The following ANKRD30B variants were observed in gnomAD, a reference collection of about 807,000 sequenced individuals.
ANKRD30B encodes the protein ankyrin repeat domain 30B.
ANKRD30B carries 144 observed loss-of-function variants against 202.2 expected under a neutral mutation model. The ratio of observed to expected loss-of-function variants is 0.71; its 90% CI spans 0.62 to 0.82. The LOEUF is 0.82. Ranked by LOEUF, ANKRD30B falls within the 40% of genes least tolerant of loss-of-function variation. The pLI is 0.00. For synonymous variants in ANKRD30B, 508 were observed against 561.3 expected (o/e 0.91, Z 1.34); for missense variants, 1,487 against 1,669.1 (o/e 0.89, Z 1.90).
chr18:14,872,326 C>A, the ANKRD30B span, among the ~76,000 whole-genome samples: 18 of 152,254 alleles, frequency 1.2e-4, no homozygotes, highest in Middle Eastern at 0.01. Flanking sequence ...CTTTTCTTTG[C>A]CCCTAAACTG....
chr18:14,828,115 G>A (rs1970739164), intron 32 of ANKRD30B, among the ~76,000 whole-genome samples, 163 bp from the exon 33 acceptor site: 1 of 152,104 alleles, frequency 6.6e-6, no homozygotes, highest in African/African-American at 2.4e-5. Context: ...ATGTCTCCCA[G>A]GCTGCTTTCA....
chr18:14,795,702 T>C (rs1273976281), intron 16 of ANKRD30B, among the ~76,000 whole-genome samples: 1 of 152,196 alleles, frequency 6.6e-6, no homozygotes, highest in Non-Finnish European at 1.5e-5. Context: ...GATAAGTAAA[T>C]TGTACCTTTG....
At chr18:14,863,565 A>T in the ANKRD30B span, among the ~76,000 whole-genome samples, 11 of 150,148 alleles carry the variant, frequency 7.3e-5, no homozygotes, top group Non-Finnish European at 7.4e-5. Context: ...CTATAAATTT[A>T]AAAAAAATCT....
intron 39 of ANKRD30B, among the ~76,000 whole-genome samples, chr18:14,844,214 T>C (rs1308521884): frequency 6.6e-6 from 1 of 152,240 alleles, no homozygotes; most frequent in Non-Finnish European, 1.5e-5. Flanking sequence ...AAAACAAATA[T>C]ATGAAAATAA....
At chr18:14,859,014 C>A (rs1440061226), downstream of ANKRD30B, among the ~76,000 whole-genome samples, 58 of 100,514 alleles carry the variant, frequency 5.8e-4, no homozygotes, top group East Asian at 0.011. Flanking sequence ...GCGCTCCTCA[C>A]CTCCCAGACT....
chr18:14,783,830 G>T (rs1194504121), intron 12 of ANKRD30B, among the ~76,000 whole-genome samples: 2 of 151,940 alleles, frequency 1.3e-5, no homozygotes, highest in Non-Finnish European at 2.9e-5. Flanking sequence ...ATATGGTTAT[G>T]GAAAACAGTG....
chr18:14,854,588 A>G lies in ANKRD30B; in HGVS notation c.*430A>G, dbSNP rs1471028779. Reference sequence around the variant, plus strand: ...TGTCATACATAGTTTTCAGTAAAATACTGGACAATAGAGTTTATAGTCTCC... The same window carrying G: ...TGTCATACATAGTTTTCAGTAAAATGCTGGACAATAGAGTTTATAGTCTCC... On this transcript the variant is annotated 3_prime_UTR_variant, in exon 44 of 44. Coordinates refer to ENST00000690538, the MANE Select transcript of ANKRD30B (RefSeq NM_001367607.2). Among the ~76,000 whole-genome samples, 3 of 152,228 alleles carry G rather than the reference A, an allele frequency of 2.0e-5. No homozygotes were observed. The highest frequency in any genetic ancestry group is 2.0e-4 in the Admixed American group (3 of 15,286).
chr18:14,815,810 T>C (rs939217868), intron 30 of ANKRD30B, among the ~76,000 whole-genome samples: 1 of 152,222 alleles, frequency 6.6e-6, no homozygotes, highest in African/African-American at 2.4e-5. Context: ...TTATATTTGC[T>C]ATTCCTGATG....
chr18:14,856,356 G>A (rs761455286), downstream of ANKRD30B, among the ~76,000 whole-genome samples: 140 of 132,376 alleles, frequency 1.1e-3, no homozygotes, highest in African/African-American at 3.5e-3. Context: ...GGGCAGCCGG[G>A]CAGAGGCGCT....
chr18:14,798,593 C>T lies in ANKRD30B; in HGVS notation c.2030-508C>T, dbSNP rs116297394. On this transcript the variant is annotated intron_variant, in intron 20 of 43. Transcript: ENST00000690538. The stretch of plus-strand genomic sequence containing the variant: ...TTAACCCTAAAGAGGCTAGAAGAGC[C>T]GTGGCAAGATGAGGGCGTTCATAGC... 6.7e-3 allele frequency among the ~76,000 whole-genome samples: 1,021 copies of T among 152,142 alleles called. 21 individuals carry two copies. Among genetic ancestry groups the T allele is most frequent in the African/African-American group, 0.024 (979 of 41,502 alleles).
At chr18:14,853,572 A>T (rs1208038188) in intron 42 of ANKRD30B, among the ~76,000 whole-genome samples, 3 of 150,972 alleles carry the variant, frequency 2.0e-5, no homozygotes, top group East Asian at 1.9e-4. Flanking sequence ...AGTTGTGAAG[A>T]ATTACAGATT....
At chr18:14,925,464 G>C in the ANKRD30B span, among the ~76,000 whole-genome samples, 2 of 152,216 alleles carry the variant, frequency 1.3e-5, no homozygotes, top group Non-Finnish European at 2.9e-5. Context: ...GCCTGCCAGA[G>C]AATGTCCATG....
the ANKRD30B span, among the ~76,000 whole-genome samples, chr18:14,869,199 A>G: frequency 1.8e-3 from 277 of 152,294 alleles, 2 homozygotes; most frequent in Non-Finnish European, 2.7e-3. Context: ...GAGGGTTGAA[A>G]ACACTAGGAT....
the ANKRD30B span, among the ~76,000 whole-genome samples, chr18:14,887,225 C>T: frequency 1.1e-4 from 17 of 152,008 alleles, no homozygotes; most frequent in Non-Finnish European, 2.1e-4. Flanking sequence ...GTAGGCTGAC[C>T]TCAAGCCTTC....
chr18:14,781,705 C>T lies in ANKRD30B; in HGVS notation c.1483-822C>T, dbSNP rs1292537894. 3.4e-5 allele frequency among the ~76,000 whole-genome samples: 5 copies of T among 147,762 alleles called. No homozygotes were observed. In the East Asian group the frequency reaches 9.9e-4, roughly 29 times the overall value. On this transcript the variant is annotated intron_variant, in intron 11 of 43. Transcript: ENST00000690538. ...AAGATGAATAAAGTACATTGACACACAGATATTCTGCTCTGCCAGTCCAGC... is the reference window on the plus strand; with the variant it reads ...AAGATGAATAAAGTACATTGACACATAGATATTCTGCTCTGCCAGTCCAGC...
At chr18:14,797,037 C>T (rs1968949876) in intron 18 of ANKRD30B, among the ~76,000 whole-genome samples, 1 of 152,136 alleles carries the variant, frequency 6.6e-6, no homozygotes, top group Non-Finnish European at 1.5e-5. Context: ...TCAGCAGTAA[C>T]AGTTGCAGCA....
At chr18:14,838,476 T>A (rs9797358) in intron 36 of ANKRD30B, among the ~76,000 whole-genome samples, 129 of 152,032 alleles carry the variant, frequency 8.5e-4, no homozygotes, top group African/African-American at 3.0e-3. Context: ...AAAACTATAA[T>A]AACAACAATT....
chr18:14,798,725 A>G lies in ANKRD30B; in HGVS notation c.2030-376A>G, dbSNP rs1224673818. 2.0e-5 allele frequency among the ~76,000 whole-genome samples: 3 copies of G among 152,090 alleles called. No individual in the cohort carries two copies. The East Asian group carries it at 5.8e-4, about 29-fold the overall frequency. ...AGCTATGAACATATGCCTTTCTGGG[A>G]TAGGAACCTTGGTGATGTGAAACCT... On this transcript the variant is annotated intron_variant, in intron 20 of 43. Coordinates refer to ENST00000690538, the MANE Select transcript of ANKRD30B (RefSeq NM_001367607.2).
the ANKRD30B span, among the ~76,000 whole-genome samples, chr18:14,898,761 G>A: frequency 6.6e-6 from 1 of 152,056 alleles, no homozygotes; most frequent in African/African-American, 2.4e-5. Flanking sequence ...AAGTAGCTCT[G>A]ATTGTGTTAC....
Sources: allele counts gnomAD v4.1 joint callset (sites outside exome capture counted in the v4.1 genomes callset), GRCh38; gene constraint gnomAD v4.1.1; transcripts MANE v1.5; gene names NCBI Gene and HGNC (gene_info 2026-07-23, HGNC 2026-07-21).